The following NYAP2 variants were observed in gnomAD, a reference collection of about 807,000 sequenced individuals.
NYAP2 encodes the protein neuronal tyrosine-phosphorylated phosphoinositide-3-kinase adapter 2.
A neutral mutation model predicts 50.4 loss-of-function variants in NYAP2; 23 were observed. The observed-to-expected ratio is 0.46, with a 90% CI of 0.33 to 0.65. The LOEUF (loss-of-function observed/expected upper bound fraction) is 0.65. NYAP2 is among the 30% of genes least tolerant of loss of function. The pLI is 0.02. For synonymous variants in NYAP2, 394 were observed against 365.2 expected, an observed-to-expected ratio of 1.08 and a Z score of -0.90; for missense variants, 885 against 861.0, an observed-to-expected ratio of 1.03 and a Z score of -0.35.
the NYAP2 span, among the ~76,000 whole-genome samples, chr2:225,665,481 C>T: frequency 1.3e-5 from 2 of 151,742 alleles, no homozygotes. Flanking sequence ...AAAAATGGAG[C>T]GTTTTAACAC....
In NYAP2 at chr2:225,552,679, C is replaced by A. The variant is rs564445348; in HGVS notation, c.524-29262C>A. 2.0e-5 allele frequency among the ~76,000 whole-genome samples: 3 copies of A among 152,156 alleles called. 1 individual carries two copies. The highest frequency in any genetic ancestry group is 4.2e-4 in the South Asian group (2 of 4,808). On this transcript the variant is annotated intron_variant, in intron 4 of 6. Transcript: ENST00000636099. ...CTCCAACTTCCAGAATTGTGAGAAA[C>A]AAGGTTTTGTTTGTTTGTTTTTGTT... is the stretch of plus-strand genomic sequence containing the variant.
At chr2:225,457,740 T>A (rs1367276541) in intron 3 of NYAP2, among the ~76,000 whole-genome samples, 1 of 152,202 alleles carries the variant, frequency 6.6e-6, no homozygotes, top group African/African-American at 2.4e-5. Context: ...GAGATAAATG[T>A]AATTCATTAT....
the NYAP2 span, among the ~76,000 whole-genome samples, chr2:225,687,231 A>C: frequency 3.3e-5 from 5 of 152,154 alleles, no homozygotes; most frequent in South Asian, 8.3e-4. Context: ...CATGCTTAAG[A>C]GTTATTAAGC....
rs527775118 is a variant in NYAP2, at chr2:225,480,591, T to C, written c.222-32780T>C. On this transcript the variant is annotated intron_variant, in intron 3 of 6. Coordinates refer to ENST00000636099, the Ensembl canonical transcript of NYAP2. Reference sequence around the variant, plus strand: ...CATAGAAAGGCGAGTATTTGCGTGATTGGGACATAGGATATATTGTGAAGC... The same window carrying C: ...CATAGAAAGGCGAGTATTTGCGTGACTGGGACATAGGATATATTGTGAAGC... Among the ~76,000 whole-genome samples the C allele has an allele frequency of 2.0e-5, 3 of 152,188 alleles. No homozygotes were observed. The East Asian group carries it at 5.8e-4, about 29-fold the overall frequency.
chr2:225,522,828 G>C (rs192734099), intron 4 of NYAP2, among the ~76,000 whole-genome samples: 7 of 152,268 alleles, frequency 4.6e-5, no homozygotes, highest in African/African-American at 1.7e-4. Flanking sequence ...TGACAAACAC[G>C]TGCCTTTCTT....
intron 3 of NYAP2, among the ~76,000 whole-genome samples, chr2:225,464,810 G>A (rs1370843458): frequency 1.3e-5 from 2 of 152,186 alleles, no homozygotes; most frequent in African/African-American, 4.8e-5. Flanking sequence ...ATTTTGCAAA[G>A]GGAAGAGACG....
At chr2:225,565,741 A>G (rs963609200) in intron 4 of NYAP2, among the ~76,000 whole-genome samples, 1 of 152,298 alleles carries the variant, frequency 6.6e-6, no homozygotes, top group South Asian at 2.1e-4. Flanking sequence ...CCTCACATGC[A>G]TATATGAATA....
Position 225,401,105 on chromosome 2 carries a change from A to G in NYAP2, c.-18+62A>G, listed in dbSNP as rs1203563860. On this transcript the variant is annotated intron_variant, in intron 2 of 6. Transcript: ENST00000636099. ...AATCGAATCCAGCACTGAATAGATCAAGCAATCTGGTGATAAAATGGAATG... is the reference window on the plus strand; with the variant it reads ...AATCGAATCCAGCACTGAATAGATCGAGCAATCTGGTGATAAAATGGAATG... The G allele has an allele frequency of 2.0e-5, 3 of 152,504 alleles. No individual in the cohort carries two copies. The East Asian group carries it at 5.8e-4, about 30-fold the overall frequency. 9.4% of individuals were successfully genotyped at this position (152,504 alleles called of 1,614,324 possible).
At chr2:225,625,374 G>A (rs546849493) in intron 5 of NYAP2, among the ~76,000 whole-genome samples, 27 of 152,132 alleles carry the variant, frequency 1.8e-4, no homozygotes, top group African/African-American at 5.3e-4. Flanking sequence ...TTTTAAAAAC[G>A]CAAAACAAAC....
the NYAP2 span, among the ~76,000 whole-genome samples, chr2:225,686,353 A>C: frequency 6.6e-6 from 1 of 152,142 alleles, no homozygotes; most frequent in Non-Finnish European, 1.5e-5. Flanking sequence ...GGTTTCATGC[A>C]ATTAGCATCT....
At chr2:225,680,180 A>G in the NYAP2 span, among the ~76,000 whole-genome samples, 1 of 152,194 alleles carries the variant, frequency 6.6e-6, no homozygotes, top group Non-Finnish European at 1.5e-5. Context: ...TCAAAACGTC[A>G]GCAGAAGTCA....
intron 4 of NYAP2, among the ~76,000 whole-genome samples, chr2:225,546,954 C>T (rs1691595367): frequency 6.6e-6 from 1 of 152,092 alleles, no homozygotes; most frequent in Non-Finnish European, 1.5e-5. Flanking sequence ...GGGTTTTCTT[C>T]AGGCCCAGAG....
chr2:225,432,335 A>G (rs1689280633), intron 3 of NYAP2, among the ~76,000 whole-genome samples: 1 of 151,020 alleles, frequency 6.6e-6, no homozygotes, highest in Non-Finnish European at 1.5e-5. Flanking sequence ...GTGGTGACTG[A>G]TCAGGGATAT....
At chr2:225,446,712 A>G (rs1487647592) in intron 3 of NYAP2, among the ~76,000 whole-genome samples, 1 of 152,194 alleles carries the variant, frequency 6.6e-6, no homozygotes, top group African/African-American at 2.4e-5. Context: ...GTGTAACTTC[A>G]AAGCAACTGT....
intron 2 of NYAP2, among the ~76,000 whole-genome samples, chr2:225,405,574 G>A (rs1202434854): frequency 6.6e-6 from 1 of 151,916 alleles, no homozygotes; most frequent in Non-Finnish European, 1.5e-5. Flanking sequence ...TCGTCTGTGG[G>A]TTCTCACTGC....
At chr2:225,686,143 AG>A in the NYAP2 span, among the ~76,000 whole-genome samples, 1 of 152,158 alleles carries the variant, frequency 6.6e-6, no homozygotes, top group Non-Finnish European at 1.5e-5. Flanking sequence ...GTCTGGTTAT[AG>A]TCTTTCAGCA....
chr2:225,582,943 G>C lies in NYAP2; in HGVS notation c.1526G>C (p.Ser509Thr), dbSNP rs749990764. ...GGCTCCCGGTCCCGGACACCCACGA[G>C]CCCGCTGGAGGAGCTGACCAGCCTC... The change falls in exon 5 of 7, where the codon AGC becomes ACC. Residue 509 changes from serine to threonine, a missense_variant. Coordinates refer to ENST00000636099, the Ensembl canonical transcript of NYAP2. This position sits in a 1 kb window ranked among gnomAD's most constrained non-coding sequence, Gnocchi z 7.0. 2.6e-5 allele frequency: 42 copies of C among 1,612,496 alleles called. No individual in the cohort carries two copies. Among genetic ancestry groups the C allele is most frequent in the South Asian group, 5.5e-5 (5 of 91,058 alleles).
At chr2:225,695,993 TTTGA>T in the NYAP2 span, among the ~76,000 whole-genome samples, 1 of 151,920 alleles carries the variant, frequency 6.6e-6, no homozygotes, top group African/African-American at 2.4e-5. Context: ...AGCTAGTAAC[TTTGA>T]TTTAATTATT....
intron 3 of NYAP2, among the ~76,000 whole-genome samples, chr2:225,428,331 A>T (rs1422342419): frequency 1.3e-5 from 2 of 152,184 alleles, no homozygotes; most frequent in African/African-American, 4.8e-5. Flanking sequence ...TTGAAACTTG[A>T]GTTCTGAATA....
Sources: gnomAD v4.1 joint callset for allele counts (sites outside exome capture counted in the v4.1 genomes callset) on GRCh38, gnomAD v4.1.1 for gene constraint, Gnocchi (gnomAD v3.1) non-coding constraint, MANE v1.5 for transcripts, NCBI Gene and HGNC (gene_info 2026-07-23, HGNC 2026-07-21) for gene names.